The following FGF13 variants were observed in gnomAD, a reference collection of about 807,000 sequenced individuals.
The protein encoded by FGF13 is fibroblast growth factor homologous factor 2.
In FGF13, 2 loss-of-function variants were observed where a neutral mutation model predicts 19.5. The observed-to-expected ratio is 0.10, with a 90% CI of 0.04 to 0.32. The LOEUF (loss-of-function observed/expected upper bound fraction) is 0.32, where lower values mean the gene tolerates loss of function less well. Ranked by LOEUF, FGF13 falls within the 10% of genes least tolerant of loss-of-function variation. The pLI is 1.00. For missense variants in FGF13, 113 were observed against 192.7 expected (o/e 0.59, Z 2.45); for synonymous variants, 72 against 76.9 (o/e 0.94, Z 0.33).
intron 1 of FGF13, among the ~76,000 whole-genome samples, chrX:139,032,355 C>A (rs889840659): frequency 4.5e-5 from 5 of 111,562 alleles, no homozygotes; most frequent in African/African-American, 1.6e-4. Context: ...TTTTATAAAA[C>A]CTTTGGGATT....
chrX:138,932,235 G>A (rs756408970), intron 1 of FGF13, among the ~76,000 whole-genome samples: 27 of 111,883 alleles, frequency 2.4e-4, no homozygotes, highest in Non-Finnish European at 4.3e-4. Context: ...TGCAGCAAAA[G>A]AGCCCATTAA....
At chrX:138,909,787 T>C (rs188496834) in intron 1 of FGF13, among the ~76,000 whole-genome samples, 2 of 112,003 alleles carry the variant, frequency 1.8e-5, no homozygotes, top group East Asian at 2.8e-4. Flanking sequence ...ACAGCATGTT[T>C]ATGAGGATTA....
At chrX:138,750,134 G>C (rs1010975170) in intron 3 of FGF13, among the ~76,000 whole-genome samples, 6 of 111,737 alleles carry the variant, frequency 5.4e-5, no homozygotes, top group African/African-American at 2.0e-4. Flanking sequence ...ATGGGGAGGG[G>C]AAGAGGAGGT....
At chrX:138,933,544 C>A (rs1311252679) in intron 1 of FGF13, among the ~76,000 whole-genome samples, 1 of 111,910 alleles carries the variant, frequency 8.9e-6, no homozygotes, top group African/African-American at 3.3e-5. Flanking sequence ...CAAAGCTAAT[C>A]TCTAAGTTTC....
At chrX:138,670,715 G>C (rs1205071867) in intron 3 of FGF13, among the ~76,000 whole-genome samples, 1 of 111,152 alleles carries the variant, frequency 9.0e-6, no homozygotes, top group Non-Finnish European at 1.9e-5. Context: ...TTTTGTTTCA[G>C]TATAAAATAA....
chrX:138,856,058 T>C (rs1453699836), downstream of FGF13, among the ~76,000 whole-genome samples: 1 of 110,593 alleles, frequency 9.0e-6, no homozygotes, highest in Non-Finnish European at 1.9e-5. Flanking sequence ...AAAGTAATTG[T>C]CACTGGTTAA....
chrX:139,042,121 C>A (rs745625240), intron 1 of FGF13, among the ~76,000 whole-genome samples: 21 of 112,264 alleles, frequency 1.9e-4, no homozygotes, highest in Admixed American at 6.6e-4. Context: ...TACCTAAGAG[C>A]TTAAATAAAA....
chrX:139,119,338 T>C (rs1231274688), intron 1 of FGF13, among the ~76,000 whole-genome samples: 1 of 112,454 alleles, frequency 8.9e-6, no homozygotes, highest in Non-Finnish European at 1.9e-5. Context: ...TTAGTAGTAA[T>C]TCGTGAATAA....
At chrX:139,136,615 G>A (rs2083804228) in intron 1 of FGF13, among the ~76,000 whole-genome samples, 1 of 111,775 alleles carries the variant, frequency 8.9e-6, no homozygotes, top group Non-Finnish European at 1.9e-5. Context: ...ATGAGGTAAA[G>A]TCCAGGAAGA....
At chrX:139,196,401 G>C (rs1240580109) in intron 1 of FGF13, among the ~76,000 whole-genome samples, 1 of 111,781 alleles carries the variant, frequency 8.9e-6, no homozygotes. Context: ...ATGCACATCG[G>C]AAAGTTTAAA....
chrX:138,869,661 T>A, intron 1 of FGF13, among the ~76,000 whole-genome samples: 1 of 112,562 alleles, frequency 8.9e-6, no homozygotes, highest in East Asian at 2.8e-4. Flanking sequence ...TGTGGAGGAA[T>A]TTGTCCTCCT....
chrX:138,648,538 A>C (rs760728634), intron 3 of FGF13, among the ~76,000 whole-genome samples: 1 of 112,010 alleles, frequency 8.9e-6, no homozygotes, highest in Non-Finnish European at 1.9e-5. Flanking sequence ...CAAGGGTAAG[A>C]TAGTCTCTGT....
chrX:138,784,874 C>G (rs1241021652), intron 3 of FGF13, among the ~76,000 whole-genome samples: 2 of 112,150 alleles, frequency 1.8e-5, no homozygotes, highest in East Asian at 2.8e-4. Context: ...TAACTCTACT[C>G]TCTTCCTACT....
intron 3 of FGF13, among the ~76,000 whole-genome samples, chrX:138,828,922 G>C (rs745861353): frequency 1.8e-5 from 2 of 111,645 alleles, no homozygotes; most frequent in East Asian, 5.7e-4. Context: ...TTAGCAGGAA[G>C]TGATAAGAAC....
chrX:139,017,082 G>GTATATATATATATATACATGTGTGTA (rs10626987), intron 1 of FGF13, among the ~76,000 whole-genome samples: 1 of 101,124 alleles, frequency 9.9e-6, no homozygotes, highest in East Asian at 3.2e-4. Flanking sequence ...ATACATGTGT[G>GTATATATATATATATACATGTGTGTA]TATATATATA....
intron 1 of FGF13, among the ~76,000 whole-genome samples, chrX:139,052,291 T>A (rs190024341): frequency 3.6e-5 from 4 of 111,790 alleles, no homozygotes; most frequent in Non-Finnish European, 7.5e-5. Flanking sequence ...TATTCCTCAA[T>A]GTAAGCTCCA....
chrX:139,069,243 G>C (rs2092368107), intron 1 of FGF13, among the ~76,000 whole-genome samples: 2 of 77,468 alleles, frequency 2.6e-5, no homozygotes, highest in Non-Finnish European at 4.9e-5. Context: ...ACTGGATTAA[G>C]AAAATGTGGC....
intron 3 of FGF13, among the ~76,000 whole-genome samples, chrX:138,748,295 A>G (rs1294139952): frequency 8.9e-6 from 1 of 111,967 alleles, no homozygotes; most frequent in Non-Finnish European, 1.9e-5. Context: ...CTGTATTTGA[A>G]GACAGGACCT....
intron 1 of FGF13, among the ~76,000 whole-genome samples, chrX:138,996,388 G>C (rs930383983): frequency 8.9e-6 from 1 of 112,853 alleles, no homozygotes; most frequent in African/African-American, 3.2e-5. Flanking sequence ...CCAGTGCCTG[G>C]CTCGGCATGT....
Sources: gnomAD v4.1 joint callset for allele counts (sites outside exome capture counted in the v4.1 genomes callset) on GRCh38, gnomAD v4.1.1 for gene constraint, MANE v1.5 for transcripts, NCBI Gene and HGNC (gene_info 2026-07-23, HGNC 2026-07-21) for gene names.